Variants in SIGLECL1 observed in about 807,000 individuals in gnomAD.
SIGLECL1 encodes the protein SIGLEC family-like protein 1.
A neutral mutation model predicts 19.1 loss-of-function variants in SIGLECL1; 16 were observed. The observed-to-expected ratio is 0.84, with a 90% CI of 0.57 to 1.27. The LOEUF (loss-of-function observed/expected upper bound fraction) is 1.27. SIGLECL1 is among the 50% of genes most tolerant of loss of function. The pLI, the probability that SIGLECL1 is intolerant of heterozygous loss-of-function variation, is 0.00. For missense variants in SIGLECL1, 210 were observed against 239.4 expected, an observed-to-expected ratio of 0.88 and a Z score of 0.81; for synonymous variants, 89 against 90.4, an observed-to-expected ratio of 0.98 and a Z score of 0.09.
chr19:51,249,967 T>C (rs374734541), upstream of SIGLECL1, among the ~76,000 whole-genome samples: 54 of 152,316 alleles, frequency 3.5e-4, no homozygotes, highest in South Asian at 0.01. Flanking sequence ...ATAGTGTAAC[T>C]TCCTGACGTT....
At chr19:51,249,974 C>T (rs1485289611), upstream of SIGLECL1, among the ~76,000 whole-genome samples, 3 of 152,218 alleles carry the variant, frequency 2.0e-5, no homozygotes, top group South Asian at 6.2e-4. Flanking sequence ...AACTTCCTGA[C>T]GTTGCCATGG....
chr19:51,254,568 A>G (rs998796933), intron 1 of SIGLECL1, among the ~76,000 whole-genome samples: 1 of 152,180 alleles, frequency 6.6e-6, no homozygotes, highest in Admixed American at 6.5e-5. Flanking sequence ...TTTATATACA[A>G]TGTCCAGAAT....
chr19:51,260,119 A>G (rs1983105646), intron 1 of SIGLECL1, among the ~76,000 whole-genome samples: 1 of 152,252 alleles, frequency 6.6e-6, no homozygotes, highest in Admixed American at 6.5e-5. Context: ...TATAGGGTAC[A>G]GCCTTATGGA....
chr19:51,261,803 C>T (rs1414954424), intron 1 of SIGLECL1, among the ~76,000 whole-genome samples: 1 of 152,204 alleles, frequency 6.6e-6, no homozygotes, highest in Non-Finnish European at 1.5e-5. Context: ...GTTCTATTCT[C>T]TTTTGTATCC....
At position 51,263,976 on chromosome 19, in the gene SIGLECL1, G is replaced by T. The variant is rs961814818; in HGVS notation, c.-97G>T. 2.1e-6 allele frequency: 3 copies of T among 1,452,404 alleles called. No individual in the cohort carries two copies. The Admixed American group carries it at 5.5e-5, about 26-fold the overall frequency. The allele number at this position is 1,452,404 out of a possible 1,614,324, so 90.0% of individuals were successfully genotyped here. ...CATCCCCACATCCTCTTTCAGTTAC[G>T]CATCACCTCACTCCTTCTGAACCAT... is the stretch of plus-strand genomic sequence containing the variant. On this transcript the variant is annotated 5_prime_UTR_variant, in exon 2 of 6. Coordinates refer to ENST00000601727, the MANE Select transcript of SIGLECL1 (RefSeq NM_001385465.1).
chr19:51,259,465 G>T (rs1012150315), intron 1 of SIGLECL1, among the ~76,000 whole-genome samples: 18 of 152,148 alleles, frequency 1.2e-4, no homozygotes, highest in African/African-American at 4.3e-4. Context: ...AACAGTACAG[G>T]ATATCTGGTG....
chr19:51,258,556 C>A (rs1982972308), intron 1 of SIGLECL1, among the ~76,000 whole-genome samples: 1 of 152,158 alleles, frequency 6.6e-6, no homozygotes, highest in Non-Finnish European at 1.5e-5. Context: ...TATCTGTAAT[C>A]GTTAAAATGA....
chr19:51,249,240 C>T (rs1440120725), upstream of SIGLECL1, among the ~76,000 whole-genome samples: 2 of 151,828 alleles, frequency 1.3e-5, no homozygotes, highest in African/African-American at 2.4e-5. Flanking sequence ...AGCAGAGAAG[C>T]GAGGAAAAGC....
upstream of SIGLECL1, among the ~76,000 whole-genome samples, chr19:51,247,762 C>T (rs994122840): frequency 2.0e-5 from 3 of 152,168 alleles, no homozygotes; most frequent in African/African-American, 7.2e-5. Flanking sequence ...AGAAGTTTAT[C>T]GCAAAGCAAA....
chr19:51,255,372 T>C (rs909977510), intron 1 of SIGLECL1, among the ~76,000 whole-genome samples: 13 of 152,028 alleles, frequency 8.6e-5, no homozygotes, highest in African/African-American at 2.7e-4. Flanking sequence ...ATAAAAATTA[T>C]TGGTTTGGGA....
intron 1 of SIGLECL1, among the ~76,000 whole-genome samples, chr19:51,256,786 A>G (rs552552364): frequency 6.6e-6 from 1 of 152,292 alleles, no homozygotes; most frequent in Admixed American, 6.5e-5. Flanking sequence ...AAGTATATAC[A>G]ATTTTTATTT....
At chr19:51,261,183 G>A (rs1983186897) in intron 1 of SIGLECL1, among the ~76,000 whole-genome samples, 1 of 152,120 alleles carries the variant, frequency 6.6e-6, no homozygotes, top group African/African-American at 2.4e-5. Context: ...CTTTGGTAAT[G>A]CCTTTTGCTT....
intron 2 of SIGLECL1, among the ~76,000 whole-genome samples, chr19:51,264,942 G>T (rs1056289735): frequency 6.6e-6 from 1 of 152,152 alleles, no homozygotes; most frequent in South Asian, 2.1e-4. Context: ...CAAATATCCC[G>T]ATTTTCCAGG....
chr19:51,256,685 T>C (rs2123398494), intron 1 of SIGLECL1, among the ~76,000 whole-genome samples: 1 of 152,336 alleles, frequency 6.6e-6, no homozygotes, highest in East Asian at 1.9e-4. Flanking sequence ...AAAAAAATGG[T>C]AACTGTGAAG....
At chr19:51,249,857 G>A (rs1165314931), upstream of SIGLECL1, among the ~76,000 whole-genome samples, 2 of 152,180 alleles carry the variant, frequency 1.3e-5, no homozygotes, top group Non-Finnish European at 2.9e-5. Flanking sequence ...TTACTTCATA[G>A]AGCAGCCCCG....
chr19:51,258,740 G>A (rs1568443572), intron 1 of SIGLECL1, among the ~76,000 whole-genome samples: 1 of 152,050 alleles, frequency 6.6e-6, no homozygotes, highest in South Asian at 2.1e-4. Context: ...TTTCCAAGAG[G>A]GTGGAAATCT....
Position 51,265,629 on chromosome 19 carries a change from T to G in SIGLECL1, c.284T>G (p.Leu95Trp). 1.2e-6 allele frequency: 2 copies of G among 1,613,948 alleles called. No homozygotes were observed. The highest frequency in any genetic ancestry group is 2.2e-5 in the South Asian group (2 of 91,056). The stretch of plus-strand genomic sequence containing the variant: ...AAGAACCAAAACGGAACCCATGCTT[T>G]GAGCATCCTACTGATGTCAAGTGAG... Reference protein sequence around the residue: ...EGKNQNGTHALSILLMSRKSS... With the variant: ...EGKNQNGTHAWSILLMSRKSS... Residue 95 changes from leucine to tryptophan, a missense_variant, in exon 3 of 6, where the codon TTG (leucine) becomes TGG (tryptophan). By Grantham distance (61) the Leu-to-Trp change is moderately conservative. Coordinates refer to ENST00000601727, the MANE Select transcript of SIGLECL1 (RefSeq NM_001385465.1).
At chr19:51,259,463 A>G (rs1275269784) in intron 1 of SIGLECL1, among the ~76,000 whole-genome samples, 2 of 152,226 alleles carry the variant, frequency 1.3e-5, no homozygotes, top group Non-Finnish European at 2.9e-5. Flanking sequence ...GAAACAGTAC[A>G]GGATATCTGG....
Position 51,265,363 on chromosome 19 carries a change from C to A in SIGLECL1, c.23-5C>A, listed in dbSNP as rs1222278098. ...TTGCTGACTCCTGACCCTTCCTCCC[C>A]ACAGTACCTGCTAAGCTGCTCAACT... is the stretch of plus-strand genomic sequence containing the variant. On this transcript the variant is annotated splice_region_variant and splice_polypyrimidine_tract_variant and intron_variant, in intron 2 of 5. Transcript: ENST00000601727. 1 of 1,599,548 alleles carries A rather than the reference C, an allele frequency of 6.3e-7. No homozygotes were observed. The highest frequency in any genetic ancestry group is 1.1e-5 in the South Asian group (1 of 90,384).
Sources: gnomAD v4.1 joint callset for allele counts (sites outside exome capture counted in the v4.1 genomes callset) on GRCh38, gnomAD v4.1.1 for gene constraint, MANE v1.5 for transcripts, NCBI Gene and HGNC (gene_info 2026-07-23, HGNC 2026-07-21) for gene names.